Variants in CRTC1 observed in about 807,000 individuals in gnomAD.
The protein encoded by CRTC1 is CREB regulated transcription coactivator 1.
CRTC1 carries 18 observed loss-of-function variants against 66.1 expected under a neutral mutation model. The observed-to-expected ratio is 0.27, with a 90% CI of 0.19 to 0.40. The LOEUF (loss-of-function observed/expected upper bound fraction) is 0.40. Ranked by LOEUF, CRTC1 falls within the 10% of genes least tolerant of loss-of-function variation. The pLI is 1.00. For synonymous variants in CRTC1, 416 were observed against 398.8 expected (o/e 1.04, Z -0.51); for missense variants, 669 against 887.9 (o/e 0.75, Z 3.13).
chr19:18,773,325 C>A lies in CRTC1; in HGVS notation c.1426-1575C>A, dbSNP rs144178813. 4.6e-5 allele frequency among the ~76,000 whole-genome samples: 7 copies of A among 152,300 alleles called. No homozygotes were observed. The South Asian group carries it at 1.0e-3, about 23-fold the overall frequency. ...TGCCTTGAGTAGCCACTGTGTGCAC[C>A]CTAGCCAGGCCCTGGGCCACAGGCA... is the stretch of plus-strand genomic sequence containing the variant. On this transcript the variant is annotated intron_variant, in intron 11 of 13. Coordinates refer to ENST00000321949, the MANE Select transcript of CRTC1 (RefSeq NM_015321.3).
At chr19:18,690,229 C>T (rs990476376) in intron 1 of CRTC1, among the ~76,000 whole-genome samples, 5 of 152,038 alleles carry the variant, frequency 3.3e-5, no homozygotes, top group South Asian at 2.1e-4. Flanking sequence ...CATGGTGGCA[C>T]GGTCAGGGCT....
At chr19:18,744,229 C>G (rs1015246727) in intron 2 of CRTC1, 3 of 1,449,780 alleles carry the variant, frequency 2.1e-6, no homozygotes, top group East Asian at 2.3e-5. Flanking sequence ...TGTGCGGGCG[C>G]TGGGGATCCC....
chr19:18,765,547 G>C lies in CRTC1; in HGVS notation c.1011+19G>C. 1 of 1,593,360 alleles carries C rather than the reference G, an allele frequency of 6.3e-7. No homozygotes were observed. Among genetic ancestry groups the C allele is most frequent in the Non-Finnish European group, 8.5e-7 (1 of 1,172,806 alleles). ...CACTCAGGTGCGAGGGCAAGGTGGG[G>C]GGCAGGTGGGAGGGGGAAAGGGAAA... On this transcript the variant is annotated intron_variant, in intron 9 of 13. Transcript: ENST00000321949.
At chr19:18,684,725 G>A (rs553635583) in intron 1 of CRTC1, among the ~76,000 whole-genome samples, 1 of 152,158 alleles carries the variant, frequency 6.6e-6, no homozygotes, top group African/African-American at 2.4e-5. Context: ...GTGGCTGGGC[G>A]CATTTGGTGT....
rs1302834340 is a variant in CRTC1, at chr19:18,770,876, G to A, written c.1321-566G>A. Among the ~76,000 whole-genome samples the A allele has an allele frequency of 2.6e-5, 4 of 151,586 alleles. No homozygotes were observed. In the East Asian group the frequency reaches 5.8e-4, roughly 22 times the overall value. On this transcript the variant is annotated intron_variant, in intron 10 of 13. Coordinates refer to ENST00000321949, the MANE Select transcript of CRTC1 (RefSeq NM_015321.3). ...GGTGTGGGTGTGCATGCGTGGGTGT[G>A]TACATTTGTGTGCATGTGTGCATTT...
chr19:18,709,023 A>G (rs928066812), intron 1 of CRTC1, among the ~76,000 whole-genome samples: 11 of 152,112 alleles, frequency 7.2e-5, no homozygotes, highest in African/African-American at 2.7e-4. Context: ...TGCAGTGGGT[A>G]AATGTCCACC....
chr19:18,688,740 G>A (rs972168482), intron 1 of CRTC1, among the ~76,000 whole-genome samples: 2 of 151,884 alleles, frequency 1.3e-5, no homozygotes, highest in African/African-American at 2.4e-5. Flanking sequence ...GCCTGGCCCC[G>A]CTTGTTTTTG....
intron 1 of CRTC1, among the ~76,000 whole-genome samples, chr19:18,713,228 C>G (rs34482977): frequency 0.25 from 38,182 of 152,114 alleles, 5,427 homozygotes; most frequent in East Asian, 0.6. Flanking sequence ...ATGGATGGAG[C>G]ACATCTGGCT....
At chr19:18,707,754 G>A (rs1215207050) in intron 1 of CRTC1, among the ~76,000 whole-genome samples, 1 of 152,186 alleles carries the variant, frequency 6.6e-6, no homozygotes, top group African/African-American at 2.4e-5. Flanking sequence ...CACCACTTTG[G>A]GAGGCCAAGG....
At chr19:18,753,354 A>T (rs764459231) in intron 5 of CRTC1, 146 bp from the exon 6 acceptor site, 1 of 512,290 alleles carries the variant, frequency 2.0e-6, no homozygotes, top group African/African-American at 2.0e-5. Context: ...TGGTTTTAGT[A>T]CAGTCCACAG....
intron 1 of CRTC1, among the ~76,000 whole-genome samples, chr19:18,702,222 A>ATTT (rs1163774588): frequency 3.7e-5 from 5 of 134,390 alleles, no homozygotes; most frequent in Admixed American, 1.5e-4. Flanking sequence ...TGTGCCCAGC[A>ATTT]TTTTTTTTTT....
At chr19:18,707,115 C>G (rs2053284899) in intron 1 of CRTC1, among the ~76,000 whole-genome samples, 1 of 152,148 alleles carries the variant, frequency 6.6e-6, no homozygotes, top group African/African-American at 2.4e-5. Flanking sequence ...TTATTGCCAA[C>G]TCCAGTGTAT....
chr19:18,771,531 A>C lies in CRTC1; in HGVS notation c.1410A>C (p.Pro470=), dbSNP rs2054868794. 6.2e-7 allele frequency: 1 copy of C among 1,613,090 alleles called. No homozygotes were observed. The highest frequency in any genetic ancestry group is 8.5e-7 in the Non-Finnish European group (1 of 1,179,570). The part of the protein sequence containing the change: ...TSPVSNQGFS[P]GSSPQHTSTL... ...CAGTCTCCAATCAAGGCTTCTCCCC[A>C]GGGAGCTCCCCGCAAGTAAGGGGCG... Residue 470 remains proline (P), a synonymous_variant, in exon 11 of 14, where the codon CCA becomes CCC. Transcript: ENST00000321949. This position sits in a 1 kb window ranked among gnomAD's most constrained non-coding sequence, Gnocchi z 4.6.
intron 3 of CRTC1, 93 bp from the exon 4 acceptor site, chr19:18,746,960 A>C: frequency 1.6e-6 from 2 of 1,217,072 alleles, no homozygotes; most frequent in Non-Finnish European, 1.2e-6. Context: ...GGCCGACCCC[A>C]GCCAGCCAGC....
At chr19:18,719,566 C>CA (rs1252518336) in intron 1 of CRTC1, among the ~76,000 whole-genome samples, 1 of 152,238 alleles carries the variant, frequency 6.6e-6, no homozygotes, top group Non-Finnish European at 1.5e-5. Flanking sequence ...GTAATGAGGG[C>CA]ATCTCGCCTT....
chr19:18,782,204 C>A lies in CRTC1; in HGVS notation c.*4822C>A. 1 of 229,512 alleles carries A rather than the reference C, an allele frequency of 4.4e-6. No individual in the cohort carries two copies. The highest frequency in any genetic ancestry group is 5.4e-5 in the Admixed American group (1 of 18,572). The allele number at this position is 229,512 out of a possible 1,614,324, so 14.2% of individuals were successfully genotyped here. A position where few individuals can be genotyped will look rare whatever the true frequency, so the allele number is the denominator to read the frequency against. On this transcript the variant is annotated 3_prime_UTR_variant, in exon 14 of 14. Coordinates refer to ENST00000321949, the MANE Select transcript of CRTC1 (RefSeq NM_015321.3). Reference sequence around the variant, plus strand: ...CGTGGGCCATGATTGTGGGCGGCCGCAGCGGGCGGGGGCAGGCGGCTCAGG... The same window carrying A: ...CGTGGGCCATGATTGTGGGCGGCCGAAGCGGGCGGGGGCAGGCGGCTCAGG...
intron 1 of CRTC1, among the ~76,000 whole-genome samples, chr19:18,720,474 C>T (rs553214819): frequency 1.3e-5 from 2 of 151,954 alleles, no homozygotes; most frequent in African/African-American, 2.4e-5. Context: ...CTCAGCCTCC[C>T]GAGTAACTGG....
chr19:18,763,467 C>T (rs1443769095), intron 8 of CRTC1, among the ~76,000 whole-genome samples: 1 of 152,230 alleles, frequency 6.6e-6, no homozygotes, highest in Admixed American at 6.5e-5. Context: ...ACCGTCTGGC[C>T]GAGGTGTGCA....
chr19:18,771,684 T>C lies in CRTC1; in HGVS notation c.1425+138T>C. On this transcript the variant is annotated intron_variant, in intron 11 of 13. Transcript: ENST00000321949. This position sits in a 1 kb window ranked among gnomAD's most constrained non-coding sequence, Gnocchi z 4.6. ...CATGCATCCCATCCCGTCCACGCCA[T>C]CGGACCTGAGCTGTGCACCTACCAG... 1.4e-6 allele frequency: 1 copy of C among 713,002 alleles called. No homozygotes were observed. The highest frequency in any genetic ancestry group is 2.4e-6 in the Non-Finnish European group (1 of 416,146). The allele number at this position is 713,002 out of a possible 1,614,324, so 44.2% of individuals were successfully genotyped here. A position where few individuals can be genotyped will look rare whatever the true frequency, so the allele number is the denominator to read the frequency against.
Sources: allele counts gnomAD v4.1 joint callset (sites outside exome capture counted in the v4.1 genomes callset), GRCh38; gene constraint gnomAD v4.1.1; non-coding constraint Gnocchi (gnomAD v3.1); transcripts MANE v1.5; gene names NCBI Gene and HGNC (gene_info 2026-07-23, HGNC 2026-07-21).